TRUB1: variants seen among roughly 807,000 people sequenced by gnomAD.
TRUB1 encodes the protein TruB pseudouridine synthase family member 1.
TRUB1 carries 23 observed loss-of-function variants against 33.9 expected under a neutral mutation model. The ratio of observed to expected loss-of-function variants is 0.68; its 90% CI spans 0.49 to 0.96. The LOEUF (loss-of-function observed/expected upper bound fraction) is 0.96, where lower values mean the gene tolerates loss of function less well. Ranked by LOEUF, TRUB1 falls within the 40% of genes least tolerant of loss-of-function variation. TRUB1 has a pLI of 0.00. For missense variants in TRUB1, 378 were observed against 422.2 expected (o/e 0.90, Z 0.92); for synonymous variants, 163 against 165.4 (o/e 0.99, Z 0.11).
intron 7 of TRUB1, among the ~76,000 whole-genome samples, chr10:114,974,695 A>G (rs1415458749): frequency 6.6e-6 from 1 of 152,122 alleles, no homozygotes; most frequent in African/African-American, 2.4e-5. Context: ...AAAAAAAAAA[A>G]AGATTTAACC....
intron 4 of TRUB1, among the ~76,000 whole-genome samples, chr10:114,963,889 A>G (rs1036429641): frequency 6.6e-6 from 1 of 151,976 alleles, no homozygotes; most frequent in Non-Finnish European, 1.5e-5. Context: ...AGTGCTGTGT[A>G]TATTTTATAC....
intron 4 of TRUB1, among the ~76,000 whole-genome samples, chr10:114,961,674 A>G (rs1033867093): frequency 1.3e-5 from 2 of 152,174 alleles, no homozygotes; most frequent in African/African-American, 4.8e-5. Flanking sequence ...CAGTTTATTG[A>G]ATAGTATTTA....
chr10:114,973,037 C>T (rs1443260984), intron 6 of TRUB1, among the ~76,000 whole-genome samples: 6 of 152,124 alleles, frequency 3.9e-5, no homozygotes, highest in East Asian at 1.9e-4. Context: ...AATAGGATTC[C>T]GTTTAGAAAT....
intron 1 of TRUB1, among the ~76,000 whole-genome samples, chr10:114,939,919 C>T (rs1219957574): frequency 2.0e-5 from 3 of 151,318 alleles, no homozygotes; most frequent in African/African-American, 7.3e-5. Context: ...GCTAATCTGC[C>T]TCTAAGAACT....
intron 5 of TRUB1, among the ~76,000 whole-genome samples, chr10:114,970,646 G>C (rs529232812): frequency 6.6e-6 from 1 of 152,172 alleles, no homozygotes; most frequent in Non-Finnish European, 1.5e-5. Context: ...CTTTGTTTCT[G>C]AGTGTGGCCC....
intron 3 of TRUB1, among the ~76,000 whole-genome samples, chr10:114,957,313 C>T (rs1316406680): frequency 6.6e-6 from 1 of 152,190 alleles, no homozygotes; most frequent in African/African-American, 2.4e-5. Flanking sequence ...ATAAACCAGA[C>T]ATGTCTGTTG....
intron 1 of TRUB1, among the ~76,000 whole-genome samples, chr10:114,942,001 G>C (rs1378919963): frequency 6.6e-6 from 1 of 151,472 alleles, no homozygotes; most frequent in Non-Finnish European, 1.5e-5. Flanking sequence ...AGCCAGGATG[G>C]TCTCAATCTC....
chr10:114,966,723 A>G (rs569597562), intron 4 of TRUB1, among the ~76,000 whole-genome samples: 1 of 152,288 alleles, frequency 6.6e-6, no homozygotes, highest in East Asian at 1.9e-4. Flanking sequence ...GAGTACCTCA[A>G]ATTCTGAAGT....
At chr10:114,956,832 T>A (rs2084263623) in intron 3 of TRUB1, among the ~76,000 whole-genome samples, 1 of 152,218 alleles carries the variant, frequency 6.6e-6, no homozygotes, top group African/African-American at 2.4e-5. Context: ...AACATGTTTT[T>A]AAAAAATGTG....
In TRUB1 at chr10:114,938,386, G is replaced by A. The variant is rs774115124; in HGVS notation, c.133G>A (p.Ala45Thr). The A allele has an allele frequency of 2.1e-5, 34 of 1,607,668 alleles. No individual in the cohort carries two copies. In the South Asian group the frequency reaches 3.5e-4, roughly 17 times the overall value. The change falls in exon 1 of 8, where the codon GCG (alanine) becomes ACG (threonine). Residue 45 changes from alanine to threonine, a missense_variant. Coordinates refer to ENST00000298746, the MANE Select transcript of TRUB1 (RefSeq NM_139169.5). ...PSARAAAAVV[A>T]AAARTGSEAR... ...AGCAAGGGCTGCAGCCGCGGTGGTT[G>A]CGGCCGCGGCCAGGACCGGATCCGA...
intron 2 of TRUB1, among the ~76,000 whole-genome samples, chr10:114,943,537 C>T (rs1020596563): frequency 6.6e-6 from 1 of 151,966 alleles, no homozygotes; most frequent in East Asian, 1.9e-4. Flanking sequence ...CAAAACAAAA[C>T]AAAACAAAAC....
chr10:114,948,074 A>G (rs984856480), intron 2 of TRUB1, among the ~76,000 whole-genome samples: 10 of 152,170 alleles, frequency 6.6e-5, no homozygotes, highest in Non-Finnish European at 1.5e-4. Context: ...AAGTTTGGAG[A>G]TAGTTATTTT....
intron 3 of TRUB1, among the ~76,000 whole-genome samples, chr10:114,952,401 A>G (rs1194517127): frequency 6.6e-6 from 1 of 152,244 alleles, no homozygotes; most frequent in African/African-American, 2.4e-5. Flanking sequence ...AGATCACGCC[A>G]TTGCACGCCA....
intron 7 of TRUB1, 35 bp downstream of exon 7, chr10:114,974,420 G>A: frequency 2.6e-6 from 4 of 1,551,048 alleles, no homozygotes; most frequent in Non-Finnish European, 3.6e-6. Context: ...TTATCATTTA[G>A]AGAATAATAC....
rs779851500 is a variant in TRUB1, at chr10:114,972,202, G to A, written c.664G>A (p.Ala222Thr). The A allele has an allele frequency of 1.2e-6, 2 of 1,613,640 alleles. No homozygotes were observed. Among genetic ancestry groups the A allele is most frequent in the East Asian group, 2.2e-5 (1 of 44,822 alleles). The change falls in exon 6 of 8, where the codon GCA (alanine) becomes ACA (threonine). Residue 222 changes from alanine (A) to threonine (T), a missense_variant. Transcript: ENST00000298746. Reference protein sequence around the residue: ...TLMKRGEVVEAKPARPVTVYS... With the variant: ...TLMKRGEVVETKPARPVTVYS... The stretch of plus-strand genomic sequence containing the variant: ...GATGAAGAGAGGTGAAGTCGTAGAA[G>A]CAAAACCTGCCAGGCCAGTGACTGT...
At chr10:114,961,080 C>T (rs903708882) in intron 4 of TRUB1, among the ~76,000 whole-genome samples, 5 of 151,998 alleles carry the variant, frequency 3.3e-5, no homozygotes, top group East Asian at 3.9e-4. Context: ...TATCTAGCTG[C>T]GCAAATTTGA....
Position 114,976,529 on chromosome 10 carries a change from C to T in TRUB1, c.*1150C>T, listed in dbSNP as rs2084360857. On this transcript the variant is annotated 3_prime_UTR_variant, in exon 8 of 8. Coordinates refer to ENST00000298746, the MANE Select transcript of TRUB1 (RefSeq NM_139169.5). ...TGTAGAAACATTCAGATCCCTCTTC[C>T]TTTACTCAAATACAGTTTCAAAAGG... 6.6e-6 allele frequency: 1 copy of T among 152,124 alleles called. No individual in the cohort carries two copies. The highest frequency in any genetic ancestry group is 6.6e-5 in the Admixed American group (1 of 15,264). 9.4% of individuals were successfully genotyped at this position (152,124 alleles called of 1,614,324 possible). A position where few individuals can be genotyped will look rare whatever the true frequency, so the allele number is the denominator to read the frequency against.
At chr10:114,971,069 T>C (rs1389907239) in intron 5 of TRUB1, among the ~76,000 whole-genome samples, 1 of 152,194 alleles carries the variant, frequency 6.6e-6, no homozygotes, top group Non-Finnish European at 1.5e-5. Flanking sequence ...GGGCTCAGCG[T>C]CGGGTGAAGG....
At chr10:114,974,653 G>A (rs1486405100) in intron 7 of TRUB1, among the ~76,000 whole-genome samples, 1 of 151,118 alleles carries the variant, frequency 6.6e-6, no homozygotes, top group Middle Eastern at 3.4e-3. Flanking sequence ...ATCTTTTCAA[G>A]TACAAAAGAT....
Sources: allele counts gnomAD v4.1 joint callset (sites outside exome capture counted in the v4.1 genomes callset), GRCh38; gene constraint gnomAD v4.1.1; transcripts MANE v1.5; gene names NCBI Gene and HGNC (gene_info 2026-07-23, HGNC 2026-07-21).